Variants in FAM193A observed in about 807,000 individuals in gnomAD.
FAM193A encodes the protein family with sequence similarity 193 member A.
FAM193A carries 22 observed loss-of-function variants against 126.5 expected under a neutral mutation model. The ratio of observed to expected loss-of-function variants is 0.17; its 90% CI spans 0.12 to 0.25. The LOEUF is 0.25. FAM193A is among the 10% of genes least tolerant of loss of function. The pLI is 1.00. For synonymous variants in FAM193A, 761 were observed against 646.8 expected (o/e 1.18, Z -2.68); for missense variants, 1,675 against 1,672.8 (o/e 1.00, Z -0.02).
At chr4:2,697,976 C>T (rs534698967) in intron 18 of FAM193A, among the ~76,000 whole-genome samples, 1 of 152,338 alleles carries the variant, frequency 6.6e-6, no homozygotes, top group African/African-American at 2.4e-5. Context: ...TGCAGGTGGT[C>T]TGAATCCAGA....
At chr4:2,650,044 C>A (rs1182843542) in intron 7 of FAM193A, among the ~76,000 whole-genome samples, 1 of 152,158 alleles carries the variant, frequency 6.6e-6, no homozygotes, top group East Asian at 1.9e-4. Context: ...TCACTGTCTC[C>A]CATCACCCCT....
chr4:2,676,409 T>C (rs1317271780), intron 13 of FAM193A, among the ~76,000 whole-genome samples: 1 of 152,222 alleles, frequency 6.6e-6, no homozygotes, highest in Admixed American at 6.5e-5. Flanking sequence ...TGCATTTCCT[T>C]AGTGTTTAGT....
intron 19 of FAM193A, among the ~76,000 whole-genome samples, chr4:2,707,543 CAG>C (rs1718442275): frequency 6.6e-6 from 1 of 151,868 alleles, no homozygotes; most frequent in Non-Finnish European, 1.5e-5. Flanking sequence ...CAAAATATCT[CAG>C]TATAATTTTT....
chr4:2,642,730 ATCT>A, intron 6 of FAM193A, among the ~76,000 whole-genome samples: 1 of 145,152 alleles, frequency 6.9e-6, no homozygotes, highest in Admixed American at 6.8e-5. Flanking sequence ...TAAAACTCCC[ATCT>A]TTTTTTTTTT....
intron 13 of FAM193A, among the ~76,000 whole-genome samples, chr4:2,677,095 T>A (rs76605253): frequency 0.026 from 3,971 of 152,306 alleles, 186 homozygotes; most frequent in African/African-American, 0.09. Context: ...ACATTTAGGT[T>A]GGTAATCCAT....
intron 19 of FAM193A, among the ~76,000 whole-genome samples, chr4:2,713,173 G>A (rs543908963): frequency 6.6e-6 from 1 of 151,520 alleles, no homozygotes; most frequent in African/African-American, 2.4e-5. Context: ...TTGGGAGGCC[G>A]AGGGGGGCAG....
chr4:2,602,959 C>CTTTTTTTTTTTT lies in FAM193A; in HGVS notation c.501+6646_501+6657dup, dbSNP rs71178487. 2.1e-3 allele frequency among the ~76,000 whole-genome samples: 89 copies of CTTTTTTTTTTTT among 42,306 alleles called. 20 individuals carry two copies. The highest frequency in any genetic ancestry group is 0.01 in the African/African-American group (88 of 8,684). 27.8% of individuals were successfully genotyped at this position (42,306 alleles called of 152,430 possible). Reference sequence around the variant, plus strand: ...ACAAGTGTGAGCCACTGCACCCGGCCTTTTTTTTTTTTTTTTTTTTTTTTT... The same window carrying CTTTTTTTTTTTT: ...ACAAGTGTGAGCCACTGCACCCGGCCTTTTTTTTTTTTTTTTTTTTTTTTTTTTTTTTTTTTT... On this transcript the variant is annotated intron_variant, in intron 2 of 20. Transcript: ENST00000637812.
intron 5 of FAM193A, among the ~76,000 whole-genome samples, chr4:2,633,167 G>A (rs898677738): frequency 8.5e-5 from 13 of 152,154 alleles, no homozygotes; most frequent in African/African-American, 3.1e-4. Context: ...GGAGGCCGAG[G>A]CAGGCAGATC....
intron 1 of FAM193A, among the ~76,000 whole-genome samples, chr4:2,586,835 G>C (rs1179187453): frequency 6.6e-6 from 1 of 151,816 alleles, no homozygotes; most frequent in Non-Finnish European, 1.5e-5. Flanking sequence ...TAAATTTTTT[G>C]TAGAGACGGG....
At chr4:2,691,020 T>G in intron 15 of FAM193A, 50 bp downstream of exon 15, 2 of 1,533,022 alleles carry the variant, frequency 1.3e-6, no homozygotes, top group Non-Finnish European at 1.8e-6. Flanking sequence ...AAGGCTGGGC[T>G]TACTGACTTC....
chr4:2,649,848 C>T lies in FAM193A; in HGVS notation c.1311+3016C>T, dbSNP rs1041179666. On this transcript the variant is annotated intron_variant, in intron 7 of 20. Coordinates refer to ENST00000637812, the MANE Select transcript of FAM193A (RefSeq NM_001366318.2). The stretch of plus-strand genomic sequence containing the variant: ...GGCTGCACAGCAGGAGGTGAGTGGC[C>T]GGTGAGCCAGTGAAGCCTGTCAGTG... Among the ~76,000 whole-genome samples the T allele has an allele frequency of 5.3e-5, 8 of 152,108 alleles. No individual in the cohort carries two copies. In the East Asian group the frequency reaches 9.6e-4, roughly 18 times the overall value.
intron 2 of FAM193A, among the ~76,000 whole-genome samples, chr4:2,624,173 TTC>T (rs1259373395): frequency 2.0e-5 from 3 of 151,912 alleles, no homozygotes; most frequent in Non-Finnish European, 4.4e-5. Context: ...TTGCCCAATG[TTC>T]TCTCTCTCTT....
At chr4:2,625,139 G>A (rs1242490512) in intron 2 of FAM193A, 123 bp from the exon 3 acceptor site, 1 of 587,038 alleles carries the variant, frequency 1.7e-6, no homozygotes, top group Non-Finnish European at 3.1e-6. Flanking sequence ...GGCCAAGATA[G>A]TTTCTTTTCA....
chr4:2,716,117 G>A lies in FAM193A; in HGVS notation c.4454+13G>A, dbSNP rs942868912. On this transcript the variant is annotated intron_variant, in intron 20 of 20. Transcript: ENST00000637812. ...AATATTTCAAAAGGTAAATGTGGAG[G>A]CTGTGTCTGAAACCGTGGTGACTGT... 6 of 1,545,242 alleles carry A rather than the reference G, an allele frequency of 3.9e-6. No individual in the cohort carries two copies. Among genetic ancestry groups the A allele is most frequent in the Non-Finnish European group, 5.4e-6 (6 of 1,116,918 alleles).
At chr4:2,589,606 TA>T (rs1231518877) in intron 1 of FAM193A, among the ~76,000 whole-genome samples, 1 of 152,228 alleles carries the variant, frequency 6.6e-6, no homozygotes, top group Non-Finnish European at 1.5e-5. Context: ...CTTAAATACT[TA>T]AGGTAATTTT....
At position 2,690,687 on chromosome 4, in the gene FAM193A, C is replaced by G. The variant is rs961511583; in HGVS notation, c.2531-11C>G. On this transcript the variant is annotated splice_polypyrimidine_tract_variant and intron_variant, in intron 14 of 20. Coordinates refer to ENST00000637812, the MANE Select transcript of FAM193A (RefSeq NM_001366318.2). Reference sequence around the variant, plus strand: ...TGTCAGAAGCCTTAATTTTCCTGTTCTTCTTTGAAGGGAGTGAAATATTAG... The same window carrying G: ...TGTCAGAAGCCTTAATTTTCCTGTTGTTCTTTGAAGGGAGTGAAATATTAG... 2.5e-6 allele frequency: 4 copies of G among 1,599,400 alleles called. No homozygotes were observed. The highest frequency in any genetic ancestry group is 1.1e-5 in the South Asian group (1 of 88,876).
At chr4:2,681,658 C>G (rs1385690162) in intron 13 of FAM193A, among the ~76,000 whole-genome samples, 3 of 151,900 alleles carry the variant, frequency 2.0e-5, no homozygotes, top group Non-Finnish European at 4.4e-5. Flanking sequence ...GGACGGAGGT[C>G]TCACCATGTT....
chr4:2,673,179 A>G (rs758100139), intron 13 of FAM193A, among the ~76,000 whole-genome samples: 3 of 152,128 alleles, frequency 2.0e-5, no homozygotes, highest in Admixed American at 6.5e-5. Context: ...TCTTTGTACC[A>G]GTTATTCTTG....
intron 2 of FAM193A, among the ~76,000 whole-genome samples, chr4:2,614,589 G>A (rs1031160897): frequency 7.9e-5 from 12 of 152,176 alleles, no homozygotes; most frequent in African/African-American, 2.9e-4. Flanking sequence ...ACATCTTTGT[G>A]TGGTTTTGAT....
Sources: allele counts gnomAD v4.1 joint callset (sites outside exome capture counted in the v4.1 genomes callset), GRCh38; gene constraint gnomAD v4.1.1; transcripts MANE v1.5; gene names NCBI Gene and HGNC (gene_info 2026-07-23, HGNC 2026-07-21).